The following MGAT4C variants were observed in gnomAD, a reference collection of about 807,000 sequenced individuals.
MGAT4C encodes the protein MGAT4 family member C.
Under a neutral mutation model 40.1 loss-of-function variants are expected in MGAT4C, and 19 were observed. That is an observed-to-expected ratio of 0.47 (90% confidence interval 0.33 to 0.70). The LOEUF (loss-of-function observed/expected upper bound fraction) is 0.70. MGAT4C is among the 30% of genes least tolerant of loss of function. MGAT4C has a pLI of 0.02. For synonymous variants in MGAT4C, 181 were observed against 187.1 expected, an observed-to-expected ratio of 0.97 and a Z score of 0.27; for missense variants, 491 against 563.2, an observed-to-expected ratio of 0.87 and a Z score of 1.30.
rs537115119 is a variant in MGAT4C, at chr12:85,981,028, A to G, written c.296-598T>C. Among the ~76,000 whole-genome samples the G allele has an allele frequency of 1.3e-4, 20 of 152,220 alleles. No homozygotes were observed. The South Asian group carries it at 3.9e-3, about 30-fold the overall frequency. On this transcript the variant is annotated intron_variant, in intron 4 of 4. Coordinates refer to ENST00000611864, the MANE Select transcript of MGAT4C (RefSeq NM_001351288.2). Reference sequence around the variant, plus strand: ...ATTCGTAATTGGACTTCACAATTTTATCTTGAAATGTACATAGTATATTAA... The same window carrying G: ...ATTCGTAATTGGACTTCACAATTTTGTCTTGAAATGTACATAGTATATTAA...
At chr12:86,424,655 T>G (rs1565752827) in intron 3 of MGAT4C, among the ~76,000 whole-genome samples, 4 of 152,184 alleles carry the variant, frequency 2.6e-5, no homozygotes, top group Non-Finnish European at 5.9e-5. Context: ...TTATAAATAC[T>G]TATATAGAGC....
At chr12:86,572,268 C>A (rs1419566101) in intron 2 of MGAT4C, among the ~76,000 whole-genome samples, 1 of 152,062 alleles carries the variant, frequency 6.6e-6, no homozygotes, top group Non-Finnish European at 1.5e-5. Context: ...TCAACACAAC[C>A]AGGCAGTGTC....
intron 2 of MGAT4C, among the ~76,000 whole-genome samples, chr12:86,496,229 T>C (rs1219113044): frequency 6.6e-6 from 1 of 151,974 alleles, no homozygotes; most frequent in Non-Finnish European, 1.5e-5. Context: ...TTTGAGTGGC[T>C]CTCTTGCGGA....
intron 2 of MGAT4C, among the ~76,000 whole-genome samples, chr12:86,567,520 C>T (rs1391195742): frequency 6.6e-6 from 1 of 152,082 alleles, no homozygotes; most frequent in Non-Finnish European, 1.5e-5. Flanking sequence ...TACAGGAGAT[C>T]CCTTAGGGCA....
intron 2 of MGAT4C, among the ~76,000 whole-genome samples, chr12:86,682,851 T>C (rs1950006083): frequency 6.6e-6 from 1 of 152,170 alleles, no homozygotes; most frequent in African/African-American, 2.4e-5. Context: ...ACTACAATTT[T>C]AGGAGATATA....
intron 2 of MGAT4C, among the ~76,000 whole-genome samples, chr12:86,506,031 G>A (rs1958467483): frequency 6.6e-6 from 1 of 152,146 alleles, no homozygotes; most frequent in African/African-American, 2.4e-5. Context: ...TGGTCAAACT[G>A]CCACATCAAA....
At chr12:86,006,666 C>T (rs1887912879) in intron 2 of MGAT4C, among the ~76,000 whole-genome samples, 1 of 152,090 alleles carries the variant, frequency 6.6e-6, no homozygotes, top group African/African-American at 2.4e-5. Flanking sequence ...GCCAAAATCC[C>T]CTGCTCTCCA....
At chr12:86,429,661 C>G (rs1332609929) in intron 3 of MGAT4C, among the ~76,000 whole-genome samples, 1 of 152,046 alleles carries the variant, frequency 6.6e-6, no homozygotes, top group Non-Finnish European at 1.5e-5. Flanking sequence ...AATATTCACC[C>G]TCTTTCATAT....
chr12:86,393,572 A>G (rs1272835762), intron 3 of MGAT4C, among the ~76,000 whole-genome samples: 1 of 152,248 alleles, frequency 6.6e-6, no homozygotes, highest in African/African-American at 2.4e-5. Context: ...ACAAAAATTG[A>G]TAACTCAATT....
chr12:86,727,587 G>T (rs376755358), intron 1 of MGAT4C, among the ~76,000 whole-genome samples: 1 of 151,868 alleles, frequency 6.6e-6, no homozygotes, highest in Non-Finnish European at 1.5e-5. Context: ...TAGTAAAAAA[G>T]TTAGGAAATA....
At chr12:86,520,535 T>C (rs978339042) in intron 2 of MGAT4C, among the ~76,000 whole-genome samples, 9 of 152,188 alleles carry the variant, frequency 5.9e-5, no homozygotes, top group African/African-American at 9.7e-5. Context: ...GCAATGAACA[T>C]ATGTGTGCAT....
At chr12:86,349,298 T>C (rs898268805) in intron 3 of MGAT4C, among the ~76,000 whole-genome samples, 4 of 152,284 alleles carry the variant, frequency 2.6e-5, no homozygotes, top group Non-Finnish European at 5.9e-5. Context: ...CAGATCATTT[T>C]AATCCCATAA....
chr12:86,125,155 T>C (rs928516314), intron 1 of MGAT4C, among the ~76,000 whole-genome samples: 4 of 152,114 alleles, frequency 2.6e-5, no homozygotes, highest in Non-Finnish European at 2.9e-5. Flanking sequence ...AGTGTGTGTA[T>C]AGAGAAGAGT....
At chr12:86,655,241 GGC>G (rs771358734) in intron 2 of MGAT4C, among the ~76,000 whole-genome samples, 8 of 151,896 alleles carry the variant, frequency 5.3e-5, no homozygotes, top group Non-Finnish European at 4.4e-5. Flanking sequence ...TGTTGTGGAA[GGC>G]AGTGTGGTAA....
intron 1 of MGAT4C, among the ~76,000 whole-genome samples, chr12:86,072,375 C>T (rs1446630468): frequency 1.3e-5 from 2 of 151,530 alleles, no homozygotes; most frequent in Non-Finnish European, 2.9e-5. Flanking sequence ...CCAGGTCAAA[C>T]CATGCTTTTT....
intron 1 of MGAT4C, among the ~76,000 whole-genome samples, chr12:86,771,532 A>AAT (rs1555227399): frequency 6.6e-6 from 1 of 152,110 alleles, no homozygotes; most frequent in African/African-American, 2.4e-5. Flanking sequence ...CCTCTTAAAA[A>AAT]ATATATATGT....
Position 85,979,690 on chromosome 12 carries a change from A to G in MGAT4C, c.1036T>C (p.Tyr346His), listed in dbSNP as rs780724562. ...TTTTCAAACACATTCATGTTGGTGT[A>G]CAGACTTGCAGGGGGGTTATCAGGA... ...DIPDNPPASLYTNMNVFENYE... is the reference protein window; with the variant it reads ...DIPDNPPASLHTNMNVFENYE... Residue 346 changes from tyrosine to histidine, a missense_variant, in exon 5 of 5, where the codon TAC (tyrosine) becomes CAC (histidine). By Grantham distance (83) the Tyr-to-His change is moderately conservative. Transcript: ENST00000611864. The G allele has an allele frequency of 3.1e-6, 5 of 1,613,336 alleles. No homozygotes were observed. Among genetic ancestry groups the G allele is most frequent in the East Asian group, 2.2e-5 (1 of 44,870 alleles).
chr12:86,204,997 A>G (rs181962399), intron 1 of MGAT4C, among the ~76,000 whole-genome samples: 1 of 152,178 alleles, frequency 6.6e-6, no homozygotes, highest in East Asian at 1.9e-4. Context: ...ATTGAAAAAA[A>G]TTGCATAATG....
At chr12:86,227,151 T>C (rs890857385) in intron 1 of MGAT4C, among the ~76,000 whole-genome samples, 3 of 151,952 alleles carry the variant, frequency 2.0e-5, no homozygotes, top group Non-Finnish European at 4.4e-5. Context: ...ACTACATGCT[T>C]TCTGTTTTCT....
Sources: allele counts gnomAD v4.1 joint callset (sites outside exome capture counted in the v4.1 genomes callset), GRCh38; gene constraint gnomAD v4.1.1; transcripts MANE v1.5; gene names NCBI Gene and HGNC (gene_info 2026-07-23, HGNC 2026-07-21).